Variants in ANKRD30A observed in about 807,000 individuals in gnomAD.
ANKRD30A encodes the protein ankyrin repeat domain 30A.
In ANKRD30A, 170 loss-of-function variants were observed where a neutral mutation model predicts 166.3. That is an observed-to-expected ratio of 1.02 (90% CI 0.90 to 1.16). The LOEUF (loss-of-function observed/expected upper bound fraction) is 1.16, where lower values mean the gene tolerates loss of function less well. Among genes scored for constraint, ANKRD30A ranks in the 50% most tolerant of loss-of-function variants. The probability of loss-of-function intolerance (pLI) is 0.00; values close to 1 mark genes in which losing one functional copy is unlikely to be tolerated. For missense variants in ANKRD30A, 1,630 were observed against 1,518.0 expected (o/e 1.07, Z -1.23); for synonymous variants, 564 against 508.9 (o/e 1.11, Z -1.46).
intron 34 of ANKRD30A, among the ~76,000 whole-genome samples, chr10:37,231,121 C>G (rs1362036612): frequency 1.3e-5 from 2 of 152,092 alleles, no homozygotes; most frequent in East Asian, 3.9e-4. Flanking sequence ...TTAATAAACA[C>G]ATATTTATAG....
the ANKRD30A span, among the ~76,000 whole-genome samples, chr10:37,255,869 C>G: frequency 8.5e-5 from 13 of 152,314 alleles, no homozygotes; most frequent in African/African-American, 3.1e-4. Flanking sequence ...CTGGACTATT[C>G]CTGTAAGAAT....
the ANKRD30A span, among the ~76,000 whole-genome samples, chr10:37,264,189 G>T: frequency 6.6e-6 from 1 of 152,140 alleles, no homozygotes; most frequent in African/African-American, 2.4e-5. Flanking sequence ...CCAGATTAAT[G>T]AATCCTTGTT....
intron 34 of ANKRD30A, among the ~76,000 whole-genome samples, chr10:37,221,471 T>G (rs540664341): frequency 6.6e-6 from 1 of 151,244 alleles, no homozygotes; most frequent in African/African-American, 2.4e-5. Flanking sequence ...AAATCAAAAG[T>G]CAAGTATGCA....
intron 31 of ANKRD30A, among the ~76,000 whole-genome samples, chr10:37,205,025 G>A (rs1394931840): frequency 6.6e-6 from 1 of 152,170 alleles, no homozygotes; most frequent in Admixed American, 6.5e-5. Flanking sequence ...TTCAACCATT[G>A]TGGAAGACAG....
rs532539868 is a variant in ANKRD30A at position 37,141,088 on chromosome 10, A to G, written c.821-630A>G. On this transcript the variant is annotated intron_variant, in intron 6 of 35. Transcript: ENST00000361713. Reference sequence around the variant, plus strand: ...AATTGGTCATTTTATATTATTTACTACTTTATTAAGGTATTAAGCATTTTT... The same window carrying G: ...AATTGGTCATTTTATATTATTTACTGCTTTATTAAGGTATTAAGCATTTTT... 5.9e-5 allele frequency among the ~76,000 whole-genome samples: 9 copies of G among 152,198 alleles called. No individual in the cohort carries two copies. In the South Asian group the frequency reaches 1.9e-3, roughly 32 times the overall value.
intron 24 of ANKRD30A, among the ~76,000 whole-genome samples, chr10:37,182,922 T>G (rs1241964069): frequency 5.3e-5 from 8 of 151,424 alleles, no homozygotes; most frequent in East Asian, 1.9e-4. Flanking sequence ...AATAAATAGT[T>G]GTACACTGTA....
the ANKRD30A span, among the ~76,000 whole-genome samples, chr10:37,259,822 A>G: frequency 6.6e-6 from 1 of 152,216 alleles, no homozygotes; most frequent in Non-Finnish European, 1.5e-5. Context: ...GAGTGAGGAA[A>G]GGACTGAGAG....
intron 3 of ANKRD30A, 69 bp downstream of exon 3, chr10:37,130,447 G>GT (rs1471707813): frequency 2.4e-6 from 3 of 1,242,056 alleles, no homozygotes; most frequent in African/African-American, 1.6e-5. Context: ...CATATGTAAG[G>GT]TTTTTTATAT....
the ANKRD30A span, chr10:37,248,098 G>A: frequency 1.8e-6 from 1 of 561,560 alleles, no homozygotes; most frequent in South Asian, 1.5e-5. Flanking sequence ...ACTCTTAATG[G>A]CTTATTGTTC....
intron 34 of ANKRD30A, among the ~76,000 whole-genome samples, chr10:37,227,352 A>T (rs1026004996): frequency 2.6e-5 from 4 of 151,848 alleles, no homozygotes; most frequent in African/African-American, 9.7e-5. Flanking sequence ...TTGCATATGG[A>T]TATCCATTTG....
At chr10:37,161,841 C>G (rs1339729405) in intron 15 of ANKRD30A, among the ~76,000 whole-genome samples, 1 of 152,134 alleles carries the variant, frequency 6.6e-6, no homozygotes, top group Admixed American at 6.6e-5. Flanking sequence ...TTATTATAGA[C>G]TAATGATACA....
chr10:37,145,074 T>A lies in ANKRD30A; in HGVS notation c.1455+18T>A, dbSNP rs749506604. The A allele has an allele frequency of 6.5e-7, 1 of 1,537,204 alleles. No homozygotes were observed. The highest frequency in any genetic ancestry group is 2.0e-5 in the Admixed American group (1 of 50,386). ...ATTCTCGGGTATTGTGTATTATTGATGTTATTCTCTAAAAATATTAATATT... is the reference window on the plus strand; with the variant it reads ...ATTCTCGGGTATTGTGTATTATTGAAGTTATTCTCTAAAAATATTAATATT... On this transcript the variant is annotated intron_variant, in intron 8 of 35. Coordinates refer to ENST00000361713, the MANE Select transcript of ANKRD30A (RefSeq NM_052997.3).
chr10:37,129,898 C>G lies in ANKRD30A; in HGVS notation c.227C>G (p.Ala76Gly), dbSNP rs770236719. ...AAGTCCTCTCACTCTCGTAGGACTG[C>G]TCTACACTGGGCCTGTGTCAATGGC... ...LNIQDAQKRT[A>G]LHWACVNGHE... The change falls in exon 2 of 36, where the codon GCT (alanine) becomes GGT (glycine). Residue 76 changes from alanine (A) to glycine (G), a missense_variant. Physicochemically the swap from Ala to Gly is moderately conservative, Grantham distance 60. This residue lies in a region of ANKRD30A where 904 missense variants were observed against 818.5 expected (regional missense o/e 1.10). Transcript: ENST00000361713. 6.6e-7 allele frequency: 1 copy of G among 1,521,788 alleles called. No homozygotes were observed. The highest frequency in any genetic ancestry group is 1.3e-5 in the South Asian group (1 of 75,166). The allele number at this position is 1,521,788 out of a possible 1,614,324, so 94.3% of individuals were successfully genotyped here. A position where few individuals can be genotyped will look rare whatever the true frequency, so the allele number is the denominator to read the frequency against.
chr10:37,149,764 C>T lies in ANKRD30A; in HGVS notation c.1573-13C>T. ...CATTCTTTATTAATCATTTTGCTTC[C>T]AACCCCATTTAGCCTGCCATTGAAA... On this transcript the variant is annotated splice_polypyrimidine_tract_variant and intron_variant, in intron 10 of 35. Coordinates refer to ENST00000361713, the MANE Select transcript of ANKRD30A (RefSeq NM_052997.3). 2 of 1,612,740 alleles carry T rather than the reference C, an allele frequency of 1.2e-6. No individual in the cohort carries two copies. The highest frequency in any genetic ancestry group is 1.7e-6 in the Non-Finnish European group (2 of 1,179,108).
intron 11 of ANKRD30A, among the ~76,000 whole-genome samples, chr10:37,150,855 A>C (rs755675858): frequency 2.0e-5 from 3 of 152,120 alleles, no homozygotes; most frequent in Non-Finnish European, 2.9e-5. Flanking sequence ...CTAAAAGTAA[A>C]ATATTTAAAG....
At chr10:37,160,645 A>C (rs538207511) in intron 15 of ANKRD30A, among the ~76,000 whole-genome samples, 51 of 152,080 alleles carry the variant, frequency 3.4e-4, no homozygotes, top group Non-Finnish European at 3.4e-4. Flanking sequence ...CAAAATCAAA[A>C]TTTTGTTTAT....
In ANKRD30A at chr10:37,199,763, T is replaced by C. The variant is rs200532028; in HGVS notation, c.2753T>C (p.Val918Ala). ...CCTTCAGAATCAAAACAAAAGAAGG[T>C]TGAAGAAAATTCTTGGGATTCTGAG... ...MFPSESKQKKVEENSWDSESL... is the reference protein window; with the variant it reads ...MFPSESKQKKAEENSWDSESL... Residue 918 changes from valine to alanine, a missense_variant, in exon 30 of 36, where the codon GTT becomes GCT. Physicochemically the swap from Val to Ala is moderately conservative, Grantham distance 64. Transcript: ENST00000361713. 7.0e-5 allele frequency: 110 copies of C among 1,573,116 alleles called. No individual in the cohort carries two copies. Among genetic ancestry groups the C allele is most frequent in the Non-Finnish European group, 9.2e-5 (106 of 1,152,456 alleles).
intron 5 of ANKRD30A, among the ~76,000 whole-genome samples, chr10:37,135,935 C>T (rs1476654465): frequency 5.9e-5 from 9 of 152,058 alleles, no homozygotes; most frequent in African/African-American, 1.9e-4. Flanking sequence ...AACATTATAA[C>T]CTATGAAGAA....
chr10:37,149,700 A>C (rs753282882), intron 10 of ANKRD30A, 21 bp downstream of exon 10: 7 of 1,612,286 alleles, frequency 4.3e-6, no homozygotes, highest in Non-Finnish European at 5.9e-6. Flanking sequence ...TTATTATTTC[A>C]TTTTGAATGA....
Sources: allele counts gnomAD v4.1 joint callset (sites outside exome capture counted in the v4.1 genomes callset), GRCh38; gene constraint gnomAD v4.1.1; regional missense constraint gnomAD v4.1.1; transcripts MANE v1.5; gene names NCBI Gene and HGNC (gene_info 2026-07-23, HGNC 2026-07-21).